The following CSMD1 variants were observed in gnomAD, a reference collection of about 807,000 sequenced individuals.
CSMD1 encodes CUB and Sushi multiple domains 1, also known as CUB and sushi domain-containing protein 1.
Under a neutral mutation model 417.5 loss-of-function variants are expected in CSMD1, and 213 were observed. That is an observed-to-expected ratio of 0.51 (90% CI 0.46 to 0.57). The LOEUF is 0.57. CSMD1 is among the 20% of genes least tolerant of loss of function. CSMD1 has a pLI of 0.00. For missense variants in CSMD1, 6,923 were observed against 4,529.7 expected (o/e 1.53, Z -15.17); for synonymous variants, 2,862 against 1,736.8 (o/e 1.65, Z -16.11).
At chr8:4,274,478 T>C (rs1160384091) in intron 3 of CSMD1, among the ~76,000 whole-genome samples, 1 of 152,174 alleles carries the variant, frequency 6.6e-6, no homozygotes, top group East Asian at 1.9e-4. Context: ...ATGGCATTAA[T>C]TGAAACATCC....
chr8:3,925,869 T>A (rs1809623933), intron 5 of CSMD1, among the ~76,000 whole-genome samples: 2 of 152,146 alleles, frequency 1.3e-5, no homozygotes, highest in African/African-American at 4.8e-5. Context: ...TATTAATTTA[T>A]TTTATTCAAG....
chr8:3,934,230 A>T (rs949147959), intron 5 of CSMD1, among the ~76,000 whole-genome samples: 5 of 152,216 alleles, frequency 3.3e-5, no homozygotes, highest in African/African-American at 1.2e-4. Flanking sequence ...TCAATGATGA[A>T]AACTGATGAA....
At chr8:3,948,136 C>G (rs1322872196) in intron 5 of CSMD1, among the ~76,000 whole-genome samples, 1 of 152,118 alleles carries the variant, frequency 6.6e-6, no homozygotes, top group Admixed American at 6.5e-5. Flanking sequence ...AACCGAGAGG[C>G]TTAGGTTGCA....
chr8:3,291,929 T>A (rs941866887), intron 25 of CSMD1, among the ~76,000 whole-genome samples: 2 of 152,064 alleles, frequency 1.3e-5, no homozygotes, highest in Admixed American at 6.6e-5. Flanking sequence ...AGGGTGTCAA[T>A]TTTAGATCTT....
chr8:3,866,734 C>T (rs956917624), intron 5 of CSMD1, among the ~76,000 whole-genome samples: 35 of 152,176 alleles, frequency 2.3e-4, no homozygotes, highest in African/African-American at 8.4e-4. Context: ...TACAAAGCCA[C>T]AGGGATTCTC....
At chr8:3,490,402 C>G (rs1044998294) in intron 11 of CSMD1, among the ~76,000 whole-genome samples, 1 of 152,098 alleles carries the variant, frequency 6.6e-6, no homozygotes, top group Non-Finnish European at 1.5e-5. Flanking sequence ...TTAATAATAA[C>G]CTAAGGGATT....
At chr8:3,832,576 A>G (rs1410908336) in intron 5 of CSMD1, among the ~76,000 whole-genome samples, 1 of 152,186 alleles carries the variant, frequency 6.6e-6, no homozygotes, top group Non-Finnish European at 1.5e-5. Flanking sequence ...CAAGACGTAA[A>G]AAAACAAAAA....
At chr8:3,641,279 G>A (rs777020893) in intron 7 of CSMD1, among the ~76,000 whole-genome samples, 1 of 152,066 alleles carries the variant, frequency 6.6e-6, no homozygotes, top group Non-Finnish European at 1.5e-5. Flanking sequence ...GTAAGTGGCA[G>A]TGATTCCCAG....
chr8:4,850,454 T>G (rs1438046078), intron 1 of CSMD1, among the ~76,000 whole-genome samples: 1 of 147,144 alleles, frequency 6.8e-6, no homozygotes, highest in Non-Finnish European at 1.5e-5. Flanking sequence ...CATTGATTGC[T>G]CAGGAAGCTT....
At chr8:3,677,314 A>G (rs1458035451) in intron 7 of CSMD1, among the ~76,000 whole-genome samples, 1 of 152,184 alleles carries the variant, frequency 6.6e-6, no homozygotes, top group African/African-American at 2.4e-5. Flanking sequence ...TAACAAAATG[A>G]CTTAATAACC....
intron 5 of CSMD1, among the ~76,000 whole-genome samples, chr8:3,994,649 T>C (rs1230738246): frequency 6.6e-6 from 1 of 152,068 alleles, no homozygotes; most frequent in East Asian, 1.9e-4. Context: ...TTTCAACTAA[T>C]GTACCTATAG....
At chr8:4,579,134 G>A (rs2466732) in intron 2 of CSMD1, among the ~76,000 whole-genome samples, 68,031 of 151,564 alleles carry the variant, frequency 0.45, 15,674 homozygotes, top group Admixed American at 0.53. Flanking sequence ...AGCAGTAATT[G>A]CAGAATGAAA....
intron 3 of CSMD1, among the ~76,000 whole-genome samples, chr8:4,076,574 T>A (rs1337870662): frequency 6.6e-6 from 1 of 152,146 alleles, no homozygotes; most frequent in Non-Finnish European, 1.5e-5. Context: ...AATGAAATAA[T>A]ATATTAAGGA....
chr8:4,388,648 A>G (rs1584998896), intron 3 of CSMD1, among the ~76,000 whole-genome samples: 2 of 152,252 alleles, frequency 1.3e-5, no homozygotes, highest in East Asian at 3.9e-4. Flanking sequence ...AATCACCATT[A>G]AAAAACTTAC....
At chr8:3,772,828 A>G (rs1022226231) in intron 5 of CSMD1, among the ~76,000 whole-genome samples, 8 of 152,078 alleles carry the variant, frequency 5.3e-5, no homozygotes, top group South Asian at 2.1e-4. Context: ...GCCATCTTAC[A>G]GCACCTCCCA....
intron 1 of CSMD1, among the ~76,000 whole-genome samples, chr8:4,901,491 T>A (rs1371891029): frequency 6.6e-6 from 1 of 151,980 alleles, no homozygotes; most frequent in Admixed American, 6.5e-5. Flanking sequence ...ATCAATTATG[T>A]TTTTCCATCT....
At chr8:3,289,196 T>G (rs1803371991) in intron 25 of CSMD1, among the ~76,000 whole-genome samples, 1 of 147,586 alleles carries the variant, frequency 6.8e-6, no homozygotes, top group Non-Finnish European at 1.5e-5. Context: ...ATGGTGTATA[T>G]GTGCCACATT....
chr8:4,520,170 C>A (rs764442577), intron 2 of CSMD1, among the ~76,000 whole-genome samples: 2 of 152,140 alleles, frequency 1.3e-5, no homozygotes, highest in African/African-American at 4.8e-5. Context: ...AAGCTTGGCT[C>A]TGTTTCCAAA....
intron 7 of CSMD1, among the ~76,000 whole-genome samples, chr8:3,661,633 A>G (rs1336471612): frequency 1.3e-5 from 2 of 152,070 alleles, no homozygotes; most frequent in African/African-American, 4.8e-5. Context: ...AGTAGTTGGC[A>G]TTACAGGTAT....
Sources: allele counts gnomAD v4.1 joint callset (sites outside exome capture counted in the v4.1 genomes callset), GRCh38; gene constraint gnomAD v4.1.1; transcripts MANE v1.5; gene names NCBI Gene and HGNC (gene_info 2026-07-23, HGNC 2026-07-21).